The following KIAA0586 variants were observed in gnomAD, a reference collection of about 807,000 sequenced individuals.
KIAA0586 encodes the protein KIAA0586.
KIAA0586 carries 144 observed loss-of-function variants against 169.8 expected under a neutral mutation model. The observed-to-expected ratio is 0.85, with a 90% CI of 0.74 to 0.97. The LOEUF is 0.97. Ranked by LOEUF, KIAA0586 falls within the 50% of genes least tolerant of loss-of-function variation. The pLI is 0.00. For missense variants in KIAA0586, 1,854 were observed against 1,823.0 expected, an observed-to-expected ratio of 1.02 and a Z score of -0.31; for synonymous variants, 625 against 612.4, an observed-to-expected ratio of 1.02 and a Z score of -0.30.
At chr14:58,458,111 G>A (rs547148917) in intron 11 of KIAA0586, 132 bp downstream of exon 11, 19 of 632,052 alleles carry the variant, frequency 3.0e-5, no homozygotes, top group Non-Finnish European at 4.8e-5. Flanking sequence ...CTTTGAAGAT[G>A]TGGAACTTAT....
chr14:58,456,865 G>A, intron 10 of KIAA0586, 55 bp downstream of exon 10: 6 of 930,414 alleles, frequency 6.4e-6, no homozygotes, highest in Non-Finnish European at 1.0e-5. Context: ...AATTAAAAAG[G>A]AATAAAAGAG....
chr14:58,540,012 A>T, intron 29 of KIAA0586, 59 bp from the exon 30 acceptor site: 1 of 999,856 alleles, frequency 1.0e-6, no homozygotes, highest in Non-Finnish European at 1.5e-6. Context: ...AATAGGAATG[A>T]ATCATGATTA....
chr14:58,467,967 T>C, intron 16 of KIAA0586, 45 bp downstream of exon 16: 1 of 1,435,448 alleles, frequency 7.0e-7, no homozygotes, highest in East Asian at 2.3e-5. Flanking sequence ...AAGAAAAAAT[T>C]TTTTTGCTTA....
chr14:58,441,184 A>G, intron 4 of KIAA0586: 1 of 291,522 alleles, frequency 3.4e-6, no homozygotes, highest in South Asian at 2.6e-5. Flanking sequence ...TGTAATTCTT[A>G]CAATTCTTTT....
At chr14:58,440,288 T>TTC (rs138818880) in intron 4 of KIAA0586, 72 of 373,724 alleles carry the variant, frequency 1.9e-4, no homozygotes, top group East Asian at 7.0e-4. Context: ...CTTTTCTTCT[T>TTC]TCTCTCTCTC....
At chr14:58,500,721 CA>C (rs34668365) in intron 27 of KIAA0586, among the ~76,000 whole-genome samples, 115 of 129,616 alleles carry the variant, frequency 8.9e-4, no homozygotes, top group Admixed American at 2.4e-3. Context: ...GTCTCTGCCT[CA>C]AAAAAAAAAA....
intron 10 of KIAA0586, 49 bp from the exon 11 acceptor site, chr14:58,457,710 A>G: frequency 8.3e-7 from 1 of 1,199,390 alleles, no homozygotes; most frequent in Non-Finnish European, 1.2e-6. Context: ...ATTTTGATTA[A>G]AGGAATCGTT....
At chr14:58,509,880 G>A (rs200395719) in intron 28 of KIAA0586, among the ~76,000 whole-genome samples, 3 of 152,110 alleles carry the variant, frequency 2.0e-5, no homozygotes, top group East Asian at 3.9e-4. Context: ...ACACAGTTAA[G>A]AGAATTAAAA....
chr14:58,442,845 G>A lies in KIAA0586; in HGVS notation c.550G>A (p.Ala184Thr). The change falls in exon 5 of 31, where the codon GCT becomes ACT. Residue 184 changes from alanine to threonine, a missense_variant. Ala to Thr is a moderately conservative substitution (Grantham distance 58). Transcript: ENST00000652326. ...DSATTVAAATAAAIATAAPLI... is the reference protein window; with the variant it reads ...DSATTVAAATTAAIATAAPLI... ...AGCTACAACCGTGGCTGCAGCAACT[G>A]CTGCTGCCATTGCAACCGCAGCTCC... 6.2e-7 allele frequency: 1 copy of A among 1,609,322 alleles called. No individual in the cohort carries two copies. Among genetic ancestry groups the A allele is most frequent in the Non-Finnish European group, 8.5e-7 (1 of 1,178,238 alleles).
At chr14:58,481,716 T>C (rs1188018496) in intron 20 of KIAA0586, among the ~76,000 whole-genome samples, 5 of 152,180 alleles carry the variant, frequency 3.3e-5, no homozygotes, top group African/African-American at 1.2e-4. Flanking sequence ...CTTAGTCTTT[T>C]TCATAATAAG....
intron 19 of KIAA0586, among the ~76,000 whole-genome samples, chr14:58,475,320 A>G (rs567045321): frequency 1.3e-5 from 2 of 152,270 alleles, no homozygotes; most frequent in African/African-American, 2.4e-5. Flanking sequence ...CACGCTCCCT[A>G]TGAGAATCTA....
intron 29 of KIAA0586, among the ~76,000 whole-genome samples, chr14:58,512,950 T>C (rs1016766154): frequency 6.6e-6 from 1 of 152,102 alleles, no homozygotes; most frequent in Admixed American, 6.6e-5. Context: ...TACAATATGT[T>C]AAAGACAGGG....
chr14:58,488,581 A>C (rs779373017), intron 23 of KIAA0586, 40 bp from the exon 24 acceptor site: 1 of 1,604,602 alleles, frequency 6.2e-7, no homozygotes, highest in African/African-American at 1.3e-5. Context: ...ACAGGCCTTC[A>C]GTGACCTAAC....
At chr14:58,485,142 T>G (rs1366956645) in intron 21 of KIAA0586, among the ~76,000 whole-genome samples, 6 of 150,198 alleles carry the variant, frequency 4.0e-5, no homozygotes, top group African/African-American at 1.5e-4. Flanking sequence ...CAGGCTGGTC[T>G]CGAACTCCTG....
intron 20 of KIAA0586, among the ~76,000 whole-genome samples, chr14:58,481,874 T>C (rs1365766915): frequency 1.3e-5 from 2 of 149,830 alleles, no homozygotes; most frequent in Non-Finnish European, 3.0e-5. Context: ...AGTGCAGTGG[T>C]GCGATCTCAG....
chr14:58,500,009 A>G (rs1015675473), intron 27 of KIAA0586, among the ~76,000 whole-genome samples: 1 of 152,250 alleles, frequency 6.6e-6, no homozygotes, highest in Non-Finnish European at 1.5e-5. Context: ...ATTCAGGACT[A>G]TTTTAGAATT....
chr14:58,464,465 T>C (rs2040581928), intron 14 of KIAA0586, among the ~76,000 whole-genome samples: 1 of 151,844 alleles, frequency 6.6e-6, no homozygotes, highest in African/African-American at 2.4e-5. Context: ...AAAAATGTAA[T>C]GTCAGGAAAT....
In KIAA0586 at chr14:58,459,518, A is replaced by T. The variant is rs1039445419; in HGVS notation, c.1657-325A>T. Among the ~76,000 whole-genome samples, 4 of 152,234 alleles carry T rather than the reference A, an allele frequency of 2.6e-5. 1 individual carries two copies. ...TTTTGAAATGTATTTTTAATTTTTT[A>T]AACTGTTAGCAAAATTCATATGGTT... On this transcript the variant is annotated intron_variant, in intron 12 of 30. Coordinates refer to ENST00000652326, the MANE Select transcript of KIAA0586 (RefSeq NM_001329943.3).
Position 58,548,104 on chromosome 14 carries a change from A to C in KIAA0586, c.*172A>C, listed in dbSNP as rs1341591108. 2.7e-6 allele frequency: 2 copies of C among 728,514 alleles called. No homozygotes were observed. The highest frequency in any genetic ancestry group is 3.6e-5 in the African/African-American group (2 of 56,040). The allele number at this position is 728,514 out of a possible 1,614,324, so 45.1% of individuals were successfully genotyped here. On this transcript the variant is annotated 3_prime_UTR_variant, in exon 31 of 31. Coordinates refer to ENST00000652326, the MANE Select transcript of KIAA0586 (RefSeq NM_001329943.3). The stretch of plus-strand genomic sequence containing the variant: ...TTTGGGTATTTAAAGTTTTTAAATA[A>C]AATAAGTATAAGTCATTATAAGTCT...
Sources: allele counts gnomAD v4.1 joint callset (sites outside exome capture counted in the v4.1 genomes callset), GRCh38; gene constraint gnomAD v4.1.1; transcripts MANE v1.5; gene names NCBI Gene and HGNC (gene_info 2026-07-23, HGNC 2026-07-21).